The following SP4 variants were observed in gnomAD, a reference collection of about 807,000 sequenced individuals.
The protein encoded by SP4 is Sp4 transcription factor.
Under a neutral mutation model 72.8 loss-of-function variants are expected in SP4, and 19 were observed. That is an observed-to-expected ratio of 0.26 (90% CI 0.18 to 0.38). SP4 has a LOEUF of 0.38. SP4 is among the 10% of genes least tolerant of loss of function. The probability of loss-of-function intolerance (pLI) is 1.00; values close to 1 mark genes in which losing one functional copy is unlikely to be tolerated. For missense variants in SP4, 1,008 were observed against 926.3 expected (o/e 1.09, Z -1.14); for synonymous variants, 395 against 333.1 (o/e 1.19, Z -2.02).
At chr7:21,442,608 T>A (rs1384487451) in intron 3 of SP4, among the ~76,000 whole-genome samples, 1 of 152,126 alleles carries the variant, frequency 6.6e-6, no homozygotes, top group African/African-American at 2.4e-5. Context: ...AATGTTTTCA[T>A]GGAAAGGGTG....
At chr7:21,503,190 A>G (rs1477945314) in intron 5 of SP4, among the ~76,000 whole-genome samples, 3 of 152,196 alleles carry the variant, frequency 2.0e-5, no homozygotes, top group Non-Finnish European at 4.4e-5. Context: ...AGTTTGAGTT[A>G]GAAGTCGTTT....
intron 3 of SP4, among the ~76,000 whole-genome samples, chr7:21,446,341 T>C (rs759276818): frequency 6.6e-6 from 1 of 152,206 alleles, no homozygotes; most frequent in Non-Finnish European, 1.5e-5. Flanking sequence ...CTTTGGCAGC[T>C]GTCTGAACTG....
chr7:21,467,229 T>C (rs1175419070), intron 3 of SP4, among the ~76,000 whole-genome samples: 1 of 152,116 alleles, frequency 6.6e-6, no homozygotes, highest in Non-Finnish European at 1.5e-5. Context: ...CAGACATTGC[T>C]GAGTATCTCC....
chr7:21,464,337 C>G (rs1784095883), intron 3 of SP4, among the ~76,000 whole-genome samples: 1 of 151,956 alleles, frequency 6.6e-6, no homozygotes, highest in Admixed American at 6.6e-5. Flanking sequence ...ACCTCATGAT[C>G]CGCCCACCTC....
chr7:21,505,271 G>A (rs1432638488), intron 5 of SP4, among the ~76,000 whole-genome samples: 1 of 152,050 alleles, frequency 6.6e-6, no homozygotes, highest in Non-Finnish European at 1.5e-5. Flanking sequence ...CACTAATCAG[G>A]TGTCCTAAAT....
chr7:21,511,402 G>C lies in SP4; in HGVS notation c.*133G>C, dbSNP rs746648420. On this transcript the variant is annotated 3_prime_UTR_variant, in exon 6 of 6. Transcript: ENST00000222584. ...TTCTTGGCTTCTTTAAGTATTCCAG[G>C]GTTTGGGGTCAACACGTGAAGTGTT... 9.6e-5 allele frequency: 90 copies of C among 933,348 alleles called. 2 individuals are homozygous for C. The highest frequency in any genetic ancestry group is 3.1e-4 in the Middle Eastern group (1 of 3,200). The allele number at this position is 933,348 out of a possible 1,614,324, so 57.8% of individuals were successfully genotyped here. A position where few individuals can be genotyped will look rare whatever the true frequency, so the allele number is the denominator to read the frequency against.
At chr7:21,461,243 AG>A (rs976950961) in intron 3 of SP4, among the ~76,000 whole-genome samples, 1 of 152,070 alleles carries the variant, frequency 6.6e-6, no homozygotes, top group African/African-American at 2.4e-5. Context: ...GCCATGGAGC[AG>A]GGGGCGGTGC....
intron 4 of SP4, among the ~76,000 whole-genome samples, chr7:21,480,879 G>T (rs1034106511): frequency 6.6e-6 from 1 of 152,176 alleles, no homozygotes; most frequent in African/African-American, 2.4e-5. Flanking sequence ...TGCAAATGAA[G>T]TCAATTCCTT....
intron 1 of SP4, among the ~76,000 whole-genome samples, 172 bp from the exon 2 acceptor site, chr7:21,428,504 AT>A (rs1362633256): frequency 1.3e-5 from 2 of 151,658 alleles, no homozygotes; most frequent in Admixed American, 6.6e-5. Flanking sequence ...GTTTTGTGAT[AT>A]CCCCCTCCTC....
intron 3 of SP4, among the ~76,000 whole-genome samples, chr7:21,454,729 T>A (rs909396712): frequency 6.6e-6 from 1 of 152,196 alleles, no homozygotes; most frequent in Non-Finnish European, 1.5e-5. Context: ...TCTCTAAACC[T>A]CTGAGGTAGG....
chr7:21,459,753 T>G (rs1783893666), intron 3 of SP4, among the ~76,000 whole-genome samples: 1 of 152,244 alleles, frequency 6.6e-6, no homozygotes, highest in Admixed American at 6.5e-5. Context: ...TTGTTAGTGG[T>G]CCTGTTTACT....
chr7:21,482,764 T>A (rs564628237), intron 5 of SP4: 3 of 978,472 alleles, frequency 3.1e-6, no homozygotes, highest in East Asian at 1.1e-4. Context: ...GTGTGTGTTA[T>A]GAAATGTTAC....
At chr7:21,510,862 G>A (rs925085210) in intron 5 of SP4, among the ~76,000 whole-genome samples, 160 bp from the exon 6 acceptor site, 1 of 152,132 alleles carries the variant, frequency 6.6e-6, no homozygotes, top group Non-Finnish European at 1.5e-5. Context: ...CTTTCTCTTT[G>A]CATTGTGTAT....
intron 5 of SP4, among the ~76,000 whole-genome samples, chr7:21,487,091 GAGT>G (rs1784834851): frequency 6.6e-6 from 1 of 152,152 alleles, no homozygotes; most frequent in Non-Finnish European, 1.5e-5. Context: ...ATGGTCTCAT[GAGT>G]AGTTCTTTTG....
At chr7:21,488,176 T>C (rs1446415002) in intron 5 of SP4, among the ~76,000 whole-genome samples, 2 of 152,184 alleles carry the variant, frequency 1.3e-5, no homozygotes. Context: ...GCTAGTGGCT[T>C]TTATTTTAGG....
chr7:21,502,483 C>T (rs1781896704), intron 5 of SP4, among the ~76,000 whole-genome samples: 1 of 152,096 alleles, frequency 6.6e-6, no homozygotes, highest in South Asian at 2.1e-4. Flanking sequence ...TTTTCCCATG[C>T]ATCCTTGTCT....
At chr7:21,487,929 C>G (rs766167880) in intron 5 of SP4, among the ~76,000 whole-genome samples, 1 of 152,056 alleles carries the variant, frequency 6.6e-6, no homozygotes. Context: ...GGCACGATCA[C>G]AGCTCACTGC....
intron 3 of SP4, among the ~76,000 whole-genome samples, chr7:21,469,538 T>C (rs1174896324): frequency 7.3e-6 from 1 of 136,124 alleles, no homozygotes; most frequent in Admixed American, 7.6e-5. Flanking sequence ...AGTTTAGTTA[T>C]AATTTTTTTT....
intron 5 of SP4, chr7:21,482,790 T>C: frequency 1.0e-6 from 1 of 973,438 alleles, no homozygotes; most frequent in Non-Finnish European, 1.2e-6. Context: ...TGCAGAATTA[T>C]AAATTTCACT....
Sources: allele counts gnomAD v4.1 joint callset (sites outside exome capture counted in the v4.1 genomes callset), GRCh38; gene constraint gnomAD v4.1.1; transcripts MANE v1.5; gene names NCBI Gene and HGNC (gene_info 2026-07-23, HGNC 2026-07-21).